The following LRFN5 variants were observed in gnomAD, a reference collection of about 807,000 sequenced individuals.
LRFN5 encodes leucine rich repeat and fibronectin type III domain containing 5.
Under a neutral mutation model 45.6 loss-of-function variants are expected in LRFN5, and 24 were observed. The ratio of observed to expected loss-of-function variants is 0.53; its 90% CI spans 0.38 to 0.74. LRFN5 has a LOEUF of 0.74. LRFN5 is among the 30% of genes least tolerant of loss of function. The probability of loss-of-function intolerance (pLI) is 0.00; values close to 1 mark genes in which losing one functional copy is unlikely to be tolerated. For missense variants in LRFN5, 776 were observed against 861.5 expected, an observed-to-expected ratio of 0.90 and a Z score of 1.24; for synonymous variants, 340 against 313.8, an observed-to-expected ratio of 1.08 and a Z score of -0.88.
intron 2 of LRFN5, among the ~76,000 whole-genome samples, chr14:41,850,346 G>T (rs1346956637): frequency 6.6e-6 from 1 of 151,766 alleles, no homozygotes; most frequent in Non-Finnish European, 1.5e-5. Context: ...GTGTAGAGAA[G>T]TTAAATCCAG....
chr14:41,803,013 A>G (rs1256383395), intron 2 of LRFN5, among the ~76,000 whole-genome samples: 2 of 152,170 alleles, frequency 1.3e-5, no homozygotes, highest in African/African-American at 4.8e-5. Flanking sequence ...TAATAATGCA[A>G]GTTGCCTTAG....
intron 2 of LRFN5, among the ~76,000 whole-genome samples, chr14:41,795,254 G>C (rs537065387): frequency 3.3e-5 from 5 of 151,902 alleles, no homozygotes; most frequent in African/African-American, 1.2e-4. Flanking sequence ...TTAGAATGGC[G>C]ATCATTAAAA....
At chr14:41,623,765 A>G (rs569331690) in intron 1 of LRFN5, among the ~76,000 whole-genome samples, 2 of 152,232 alleles carry the variant, frequency 1.3e-5, no homozygotes, top group African/African-American at 4.8e-5. Flanking sequence ...CAGGTCTAAC[A>G]CATTCTTTAA....
intron 1 of LRFN5, among the ~76,000 whole-genome samples, chr14:41,653,964 T>G (rs564375336): frequency 2.0e-3 from 300 of 152,034 alleles, no homozygotes; most frequent in Non-Finnish European, 3.1e-3. Context: ...AAAGTAGCAC[T>G]GCATGTTCTC....
chr14:41,741,909 G>GA lies in LRFN5; in HGVS notation c.-196-24939dup, dbSNP rs1187537225. Among the ~76,000 whole-genome samples, 8 of 151,134 alleles carry GA rather than the reference G, an allele frequency of 5.3e-5. No homozygotes were observed. In the East Asian group the frequency reaches 1.6e-3, roughly 30 times the overall value. The stretch of plus-strand genomic sequence containing the variant: ...ACATGTGAATGACCAACAGATATAT[G>GA]AAAAAATCCTCAATGTCTCTAATCA... On this transcript the variant is annotated intron_variant, in intron 1 of 5. Transcript: ENST00000298119.
intron 2 of LRFN5, among the ~76,000 whole-genome samples, chr14:41,817,220 AGTT>A (rs1183745041): frequency 6.6e-6 from 1 of 152,026 alleles, no homozygotes; most frequent in Non-Finnish European, 1.5e-5. Context: ...TCTTAATCAT[AGTT>A]GTTTTAATTT....
At chr14:41,779,979 C>T (rs1886424674) in intron 2 of LRFN5, among the ~76,000 whole-genome samples, 1 of 151,734 alleles carries the variant, frequency 6.6e-6, no homozygotes, top group Admixed American at 6.6e-5. Flanking sequence ...TAATTTTCTC[C>T]TGCTTTCCTT....
At chr14:41,852,898 C>T (rs1194669696) in intron 2 of LRFN5, among the ~76,000 whole-genome samples, 1 of 151,898 alleles carries the variant, frequency 6.6e-6, no homozygotes, top group Non-Finnish European at 1.5e-5. Flanking sequence ...CAAGATGCTT[C>T]AAATGGAGGG....
At chr14:41,801,059 T>A (rs1017607638) in intron 2 of LRFN5, among the ~76,000 whole-genome samples, 3 of 152,072 alleles carry the variant, frequency 2.0e-5, no homozygotes, top group Non-Finnish European at 4.4e-5. Context: ...TCTAACAATA[T>A]CAGAGTTTAT....
chr14:41,654,694 T>G (rs982235303), intron 1 of LRFN5, among the ~76,000 whole-genome samples: 1 of 152,060 alleles, frequency 6.6e-6, no homozygotes, highest in African/African-American at 2.4e-5. Flanking sequence ...TAAGAAGAGA[T>G]AATTTATCAT....
At chr14:41,618,138 A>G (rs1488895432) in intron 1 of LRFN5, among the ~76,000 whole-genome samples, 1 of 152,196 alleles carries the variant, frequency 6.6e-6, no homozygotes, top group African/African-American at 2.4e-5. Flanking sequence ...ATGGGCAGTC[A>G]AAATCTGGGC....
chr14:41,870,764 T>G (rs896606460), intron 2 of LRFN5, among the ~76,000 whole-genome samples: 5 of 152,174 alleles, frequency 3.3e-5, no homozygotes, highest in Non-Finnish European at 5.9e-5. Context: ...ACATTTAATA[T>G]TGATTAGAAG....
chr14:41,808,577 G>C (rs79658507), intron 2 of LRFN5, among the ~76,000 whole-genome samples: 22 of 142,562 alleles, frequency 1.5e-4, no homozygotes, highest in African/African-American at 5.2e-4. Context: ...AAGGAAGGAA[G>C]GAAGGAAGGA....
chr14:41,782,974 C>CTTT (rs57305924), intron 2 of LRFN5, among the ~76,000 whole-genome samples: 42,831 of 127,258 alleles, frequency 0.34, 8,302 homozygotes, highest in South Asian at 0.5. Flanking sequence ...GGTGATACAG[C>CTTT]TTTTTTTTTT....
At chr14:41,824,137 C>A (rs1474310746) in intron 2 of LRFN5, among the ~76,000 whole-genome samples, 1 of 152,024 alleles carries the variant, frequency 6.6e-6, no homozygotes, top group Non-Finnish European at 1.5e-5. Flanking sequence ...CCCTTACAAG[C>A]CGTAGTTTGA....
chr14:41,891,461 ATTGGTGGAATCATTG>A lies in LRFN5; in HGVS notation c.1599_1613del (p.Gly534_Val538del). ...TTTGGGAGGCACCATGATTATTATT[ATTGGTGGAATCATTG>A]TAGCATCTGTGCTGGTATTCATCAT... is the stretch of plus-strand genomic sequence containing the variant. On this transcript the variant is annotated inframe_deletion, in exon 4 of 6. Coordinates refer to ENST00000298119, the MANE Select transcript of LRFN5 (RefSeq NM_152447.5). 6.2e-7 allele frequency: 1 copy of A among 1,614,108 alleles called. No individual in the cohort carries two copies. Among genetic ancestry groups the A allele is most frequent in the Non-Finnish European group, 8.5e-7 (1 of 1,179,994 alleles).
At chr14:41,732,930 C>CTTATAG (rs1884243303) in intron 1 of LRFN5, among the ~76,000 whole-genome samples, 1 of 139,144 alleles carries the variant, frequency 7.2e-6, no homozygotes, top group Admixed American at 7.3e-5. Context: ...CTAAAAAGTA[C>CTTATAG]CAGAAAAGAA....
intron 1 of LRFN5, among the ~76,000 whole-genome samples, chr14:41,618,849 G>A (rs1341664516): frequency 6.6e-6 from 1 of 151,986 alleles, no homozygotes; most frequent in Non-Finnish European, 1.5e-5. Flanking sequence ...TCAATCCATG[G>A]ATTCATATAT....
intron 2 of LRFN5, among the ~76,000 whole-genome samples, chr14:41,866,946 A>G (rs777021826): frequency 6.6e-6 from 1 of 151,070 alleles, no homozygotes. Context: ...ATATTATTAT[A>G]TGGACCACAT....
Sources: allele counts gnomAD v4.1 joint callset (sites outside exome capture counted in the v4.1 genomes callset), GRCh38; gene constraint gnomAD v4.1.1; transcripts MANE v1.5; gene names NCBI Gene and HGNC (gene_info 2026-07-23, HGNC 2026-07-21).